GRIK4: variants seen among roughly 807,000 people sequenced by gnomAD.
The protein encoded by GRIK4 is glutamate ionotropic receptor kainate type subunit 4, also known as glutamate receptor ionotropic, kainate 4.
In GRIK4, 40 loss-of-function variants were observed where a neutral mutation model predicts 104.9. The ratio of observed to expected loss-of-function variants is 0.38; its 90% CI spans 0.30 to 0.50. The LOEUF is 0.50. Ranked by LOEUF, GRIK4 falls within the 20% of genes least tolerant of loss-of-function variation. GRIK4 has a pLI of 0.93. For synonymous variants in GRIK4, 485 were observed against 524.9 expected, an observed-to-expected ratio of 0.92 and a Z score of 1.04; for missense variants, 1,047 against 1,308.1, an observed-to-expected ratio of 0.80 and a Z score of 3.08.
At chr11:120,519,698 C>T (rs889862479) in intron 1 of GRIK4, among the ~76,000 whole-genome samples, 3 of 152,130 alleles carry the variant, frequency 2.0e-5, no homozygotes, top group African/African-American at 7.2e-5. Flanking sequence ...AGTCCCATAG[C>T]TGGTAAGAAG....
chr11:120,814,805 A>C (rs1952901438), intron 4 of GRIK4, among the ~76,000 whole-genome samples: 1 of 152,114 alleles, frequency 6.6e-6, no homozygotes, highest in South Asian at 2.1e-4. Context: ...TTGACAGATG[A>C]AACTTCTTTC....
At chr11:120,642,625 C>T (rs1474087711) in intron 1 of GRIK4, among the ~76,000 whole-genome samples, 1 of 152,134 alleles carries the variant, frequency 6.6e-6, no homozygotes, top group Admixed American at 6.5e-5. Flanking sequence ...CTGTGAGGCC[C>T]CATCTTCTCC....
At chr11:120,830,256 G>A (rs997214645) in intron 6 of GRIK4, among the ~76,000 whole-genome samples, 12 of 151,692 alleles carry the variant, frequency 7.9e-5, no homozygotes, top group African/African-American at 2.4e-4. Context: ...TGAGACACGT[G>A]TCTCTGGACC....
At chr11:120,813,388 A>C (rs781180469) in intron 4 of GRIK4, among the ~76,000 whole-genome samples, 2 of 152,176 alleles carry the variant, frequency 1.3e-5, no homozygotes, top group Non-Finnish European at 2.9e-5. Context: ...TCAAGCACCT[A>C]GTGGGCTGTA....
At chr11:120,787,721 C>G (rs1952310324) in intron 3 of GRIK4, among the ~76,000 whole-genome samples, 1 of 151,886 alleles carries the variant, frequency 6.6e-6, no homozygotes, top group Non-Finnish European at 1.5e-5. Context: ...CCTTGGCCTC[C>G]CAAAGTGCTG....
chr11:120,727,266 G>A (rs1951046485), intron 3 of GRIK4, among the ~76,000 whole-genome samples: 1 of 152,138 alleles, frequency 6.6e-6, no homozygotes, highest in Non-Finnish European at 1.5e-5. Flanking sequence ...TCCCACTGAA[G>A]AGAAACCACT....
At chr11:120,672,206 G>A (rs186452217) in intron 3 of GRIK4, among the ~76,000 whole-genome samples, 373 of 152,060 alleles carry the variant, frequency 2.5e-3, no homozygotes, top group Non-Finnish European at 3.8e-3. Flanking sequence ...TCATGAGTTC[G>A]GGAGTTTGAG....
chr11:120,967,011 G>A lies in GRIK4; in HGVS notation c.2267-184G>A, dbSNP rs1022637359. ...TGAAGCCAGAATGCCCCGCTCTTCC[G>A]GGGGAGCCCCAGTGGAGTAGACAGC... On this transcript the variant is annotated intron_variant, in intron 18 of 20. Coordinates refer to ENST00000527524, the MANE Select transcript of GRIK4 (RefSeq NM_014619.5). This position sits in a 1 kb window ranked among gnomAD's most constrained non-coding sequence, Gnocchi z 4.2. Among the ~76,000 whole-genome samples the A allele has an allele frequency of 2.0e-5, 3 of 152,258 alleles. No homozygotes were observed. The highest frequency in any genetic ancestry group is 6.5e-5 in the Admixed American group (1 of 15,298).
intron 11 of GRIK4, among the ~76,000 whole-genome samples, chr11:120,891,325 G>A (rs531796149): frequency 6.6e-6 from 1 of 152,314 alleles, no homozygotes; most frequent in South Asian, 2.1e-4. Flanking sequence ...ACCAGGCACT[G>A]TGCTATGCCC....
At chr11:120,743,324 A>G (rs1040790183) in intron 3 of GRIK4, among the ~76,000 whole-genome samples, 3 of 152,210 alleles carry the variant, frequency 2.0e-5, no homozygotes, top group Non-Finnish European at 4.4e-5. Flanking sequence ...ATGCAGGAAC[A>G]GAAAATCAAA....
Position 120,967,095 on chromosome 11 carries a change from G to A in GRIK4, c.2267-100G>A. ...CTGTCTGTCCCCTCTCGAGGTGAAA[G>A]CAGGCAGGGTGGCCAGGAGGTGTGC... is the stretch of plus-strand genomic sequence containing the variant. On this transcript the variant is annotated intron_variant, in intron 18 of 20. Transcript: ENST00000527524. This position sits in a 1 kb window ranked among gnomAD's most constrained non-coding sequence, Gnocchi z 4.2. The A allele has an allele frequency of 7.4e-7, 1 of 1,355,848 alleles. No homozygotes were observed. The highest frequency in any genetic ancestry group is 1.4e-5 in the South Asian group (1 of 71,958). The allele number at this position is 1,355,848 out of a possible 1,614,324, so 84.0% of individuals were successfully genotyped here.
chr11:120,702,201 G>T (rs1950564329), intron 3 of GRIK4, among the ~76,000 whole-genome samples: 1 of 152,098 alleles, frequency 6.6e-6, no homozygotes, highest in African/African-American at 2.4e-5. Flanking sequence ...TGATCCGCAG[G>T]CCTCGGCCTC....
At chr11:120,808,209 A>G (rs1427400230) in intron 4 of GRIK4, among the ~76,000 whole-genome samples, 6 of 152,020 alleles carry the variant, frequency 3.9e-5, no homozygotes, top group Admixed American at 6.6e-5. Context: ...CTGGAGTTCA[A>G]TGCACCAGGA....
chr11:120,521,236 C>T (rs573293281), intron 1 of GRIK4, among the ~76,000 whole-genome samples: 15 of 152,082 alleles, frequency 9.9e-5, no homozygotes, highest in African/African-American at 2.9e-4. Context: ...CCATGCCTGG[C>T]GAATATTTTG....
intron 1 of GRIK4, among the ~76,000 whole-genome samples, chr11:120,574,548 C>T (rs561205703): frequency 4.4e-4 from 67 of 152,134 alleles, no homozygotes; most frequent in Non-Finnish European, 8.5e-4. Flanking sequence ...AGGCCAACAC[C>T]CTCTACCTCC....
intron 13 of GRIK4, among the ~76,000 whole-genome samples, chr11:120,915,559 G>A (rs1004204910): frequency 3.3e-5 from 5 of 152,018 alleles, no homozygotes; most frequent in Non-Finnish European, 4.4e-5. Context: ...GCTGCCAACC[G>A]TGCGAGCCCA....
chr11:120,971,725 T>G (rs959430911), intron 19 of GRIK4, among the ~76,000 whole-genome samples: 1 of 152,212 alleles, frequency 6.6e-6, no homozygotes, highest in African/African-American at 2.4e-5. Context: ...GAGGAAGTGA[T>G]GAATTCTGTG....
chr11:120,873,704 G>A (rs1407252254), intron 9 of GRIK4: 1 of 187,176 alleles, frequency 5.3e-6, no homozygotes, highest in African/African-American at 2.3e-5. Flanking sequence ...TTCTCTTCTT[G>A]ACATAAGCAG....
chr11:120,891,903 G>T (rs896481685), intron 11 of GRIK4, among the ~76,000 whole-genome samples: 1 of 152,192 alleles, frequency 6.6e-6, no homozygotes, highest in Non-Finnish European at 1.5e-5. Context: ...GAAGGTCCAC[G>T]TGATAAATAT....
Sources: allele counts gnomAD v4.1 joint callset (sites outside exome capture counted in the v4.1 genomes callset), GRCh38; gene constraint gnomAD v4.1.1; non-coding constraint Gnocchi (gnomAD v3.1); transcripts MANE v1.5; gene names NCBI Gene and HGNC (gene_info 2026-07-23, HGNC 2026-07-21).